Variants in RPH3A observed in about 807,000 individuals in gnomAD.
RPH3A encodes rabphilin 3A.
In RPH3A, 48 loss-of-function variants were observed where a neutral mutation model predicts 102.2. The ratio of observed to expected loss-of-function variants is 0.47; its 90% CI spans 0.37 to 0.60. The LOEUF (loss-of-function observed/expected upper bound fraction) is 0.60. Ranked by LOEUF, RPH3A falls within the 20% of genes least tolerant of loss-of-function variation. RPH3A has a pLI of 0.00. For missense variants in RPH3A, 781 were observed against 910.1 expected, an observed-to-expected ratio of 0.86 and a Z score of 1.83; for synonymous variants, 310 against 324.3, an observed-to-expected ratio of 0.96 and a Z score of 0.47.
intron 1 of RPH3A, chr12:112,650,715 T>C (rs2039967832): frequency 6.6e-6 from 1 of 151,926 alleles, no homozygotes; most frequent in Non-Finnish European, 1.5e-5. Context: ...AATGAAGTAA[T>C]AGATACTTGT....
At chr12:112,581,612 C>G (rs1178209568) in intron 1 of RPH3A, among the ~76,000 whole-genome samples, 2 of 152,182 alleles carry the variant, frequency 1.3e-5, no homozygotes, top group Non-Finnish European at 2.9e-5. Flanking sequence ...GTTTCCCAAG[C>G]TGGTCTTGAA....
intron 1 of RPH3A, among the ~76,000 whole-genome samples, chr12:112,717,264 T>A (rs563444414): frequency 2.6e-5 from 4 of 152,236 alleles, no homozygotes; most frequent in African/African-American, 9.6e-5. Context: ...ACTACCTCAA[T>A]CAAGATACAG....
rs563307209 is a variant in RPH3A at position 112,851,044 on chromosome 12, T to C, written c.230+3202T>C. 2.0e-5 allele frequency: 3 copies of C among 152,312 alleles called. No individual in the cohort carries two copies. In the South Asian group the frequency reaches 6.2e-4, roughly 32 times the overall value. 9.4% of individuals were successfully genotyped at this position (152,312 alleles called of 1,614,324 possible). A position where few individuals can be genotyped will look rare whatever the true frequency, so the allele number is the denominator to read the frequency against. On this transcript the variant is annotated intron_variant, in intron 5 of 21. Coordinates refer to ENST00000389385, the MANE Select transcript of RPH3A (RefSeq NM_001143854.2). ...TCAGCCCCATGATGCTGAATGTTCT[T>C]TTCTGTTATCTGAGTGAAAGCTATC...
intron 1 of RPH3A, among the ~76,000 whole-genome samples, chr12:112,576,187 G>C (rs987443872): frequency 4.3e-4 from 66 of 152,222 alleles, no homozygotes; most frequent in African/African-American, 1.6e-3. Context: ...CAAGTGTCAA[G>C]TCAGGATGGG....
At chr12:112,831,661 GC>G (rs1425124757) in intron 3 of RPH3A, 23 of 349,342 alleles carry the variant, frequency 6.6e-5, no homozygotes, top group Non-Finnish European at 1.1e-4. Context: ...CTGAAGTACA[GC>G]TTTTCATTTG....
chr12:112,838,671 C>T (rs2042094458), intron 4 of RPH3A, among the ~76,000 whole-genome samples: 1 of 152,236 alleles, frequency 6.6e-6, no homozygotes, highest in South Asian at 2.1e-4. Context: ...TTTCCATCAT[C>T]CCACTCCTTT....
At chr12:112,836,012 G>A (rs2042043276) in intron 3 of RPH3A, among the ~76,000 whole-genome samples, 1 of 152,182 alleles carries the variant, frequency 6.6e-6, no homozygotes, top group South Asian at 2.1e-4. Context: ...ACCTGCTTTT[G>A]GTTGCTTGCC....
chr12:112,638,102 T>C (rs1043110629), intron 1 of RPH3A, among the ~76,000 whole-genome samples: 3 of 151,924 alleles, frequency 2.0e-5, no homozygotes, highest in African/African-American at 7.3e-5. Context: ...AGTAAGTGAG[T>C]TCCCTCTTAG....
At chr12:112,758,415 C>T (rs2040834741) in intron 1 of RPH3A, among the ~76,000 whole-genome samples, 1 of 152,176 alleles carries the variant, frequency 6.6e-6, no homozygotes, top group South Asian at 2.1e-4. Flanking sequence ...TCATTTTCCT[C>T]CAGAGGTGGG....
intron 4 of RPH3A, among the ~76,000 whole-genome samples, chr12:112,842,680 T>C (rs7953081): frequency 0.49 from 74,324 of 152,086 alleles, 18,949 homozygotes; most frequent in African/African-American, 0.62. Flanking sequence ...AGAGGCCGTC[T>C]CACGAAATGT....
At chr12:112,609,095 C>T (rs1592904930) in intron 1 of RPH3A, among the ~76,000 whole-genome samples, 1 of 152,274 alleles carries the variant, frequency 6.6e-6, no homozygotes. Context: ...CCATCTTCCC[C>T]AAATCCTCAC....
intron 8 of RPH3A, chr12:112,869,282 C>A (rs115210972): frequency 6.4e-6 from 1 of 156,570 alleles, no homozygotes; most frequent in African/African-American, 2.4e-5. Context: ...TGAGTGCAGG[C>A]GGTACTTCTG....
intron 16 of RPH3A, 39 bp from the exon 17 acceptor site, chr12:112,887,758 G>T: frequency 1.9e-6 from 3 of 1,603,992 alleles, no homozygotes; most frequent in Non-Finnish European, 2.6e-6. Flanking sequence ...CTTAATATTT[G>T]TTCCTGTTTC....
At chr12:112,728,230 C>G (rs960672941) in intron 1 of RPH3A, among the ~76,000 whole-genome samples, 1 of 152,120 alleles carries the variant, frequency 6.6e-6, no homozygotes, top group Non-Finnish European at 1.5e-5. Context: ...AATTTATCAC[C>G]AGTTTCCTTT....
At chr12:112,708,769 C>G (rs1046277730) in intron 1 of RPH3A, among the ~76,000 whole-genome samples, 2 of 151,974 alleles carry the variant, frequency 1.3e-5, no homozygotes, top group Non-Finnish European at 1.5e-5. Context: ...GAGCCTCCTG[C>G]GAAAATAGAA....
At chr12:112,576,599 G>T (rs773109848) in intron 1 of RPH3A, among the ~76,000 whole-genome samples, 1 of 152,084 alleles carries the variant, frequency 6.6e-6, no homozygotes, top group Non-Finnish European at 1.5e-5. Context: ...CGGGTTATCC[G>T]CCTGCCTTGG....
intron 1 of RPH3A, among the ~76,000 whole-genome samples, chr12:112,774,959 C>G (rs1453649425): frequency 6.6e-6 from 1 of 151,322 alleles, no homozygotes; most frequent in Non-Finnish European, 1.5e-5. Flanking sequence ...TACCCCAGAA[C>G]TTAAAATAAA....
At chr12:112,678,328 AGAAG>A (rs1422589663) in intron 1 of RPH3A, among the ~76,000 whole-genome samples, 940 of 49,808 alleles carry the variant, frequency 0.019, 129 homozygotes, top group African/African-American at 0.046. Context: ...AAAGAAAGAA[AGAAG>A]GAAGGAAGGA....
intron 1 of RPH3A, among the ~76,000 whole-genome samples, chr12:112,608,567 G>A (rs1013135706): frequency 7.2e-5 from 11 of 152,122 alleles, no homozygotes; most frequent in African/African-American, 2.4e-4. Flanking sequence ...GCTTTTAATC[G>A]AGATGTTGTC....
Sources: gnomAD v4.1 joint callset for allele counts (sites outside exome capture counted in the v4.1 genomes callset) on GRCh38, gnomAD v4.1.1 for gene constraint, MANE v1.5 for transcripts, NCBI Gene and HGNC (gene_info 2026-07-23, HGNC 2026-07-21) for gene names.